EPB41L2: variants seen among roughly 807,000 people sequenced by gnomAD.
EPB41L2 encodes erythrocyte membrane protein band 4.1 like 2, also known as band 4.1-like protein 2.
In EPB41L2, 43 loss-of-function variants were observed where a neutral mutation model predicts 113.0. The observed-to-expected ratio is 0.38, with a 90% CI of 0.30 to 0.49. The LOEUF is 0.49. Ranked by LOEUF, EPB41L2 falls within the 20% of genes least tolerant of loss-of-function variation. EPB41L2 has a pLI of 0.95. For missense variants in EPB41L2, 1,147 were observed against 1,223.4 expected, an observed-to-expected ratio of 0.94 and a Z score of 0.93; for synonymous variants, 442 against 436.7, an observed-to-expected ratio of 1.01 and a Z score of -0.15.
At chr6:130,919,344 C>A (rs1471157204) in intron 4 of EPB41L2, among the ~76,000 whole-genome samples, 1 of 152,152 alleles carries the variant, frequency 6.6e-6, no homozygotes, top group African/African-American at 2.4e-5. Flanking sequence ...TTAGTATTTT[C>A]TTCCTTAATG....
intron 19 of EPB41L2, among the ~76,000 whole-genome samples, chr6:130,845,817 T>C (rs918538632): frequency 6.6e-6 from 1 of 152,290 alleles, no homozygotes; most frequent in Admixed American, 6.5e-5. Flanking sequence ...TAATATTCTG[T>C]GTGATGAAAT....
At chr6:130,857,232 T>C (rs1780519330) in intron 19 of EPB41L2, among the ~76,000 whole-genome samples, 1 of 152,210 alleles carries the variant, frequency 6.6e-6, no homozygotes, top group African/African-American at 2.4e-5. Flanking sequence ...GGTGAAAACT[T>C]GTCCACTGAG....
intron 4 of EPB41L2, among the ~76,000 whole-genome samples, chr6:130,915,547 C>T (rs1309281077): frequency 1.3e-5 from 2 of 152,144 alleles, no homozygotes; most frequent in African/African-American, 2.4e-5. Context: ...TCTTAAAATA[C>T]CATTTATGCT....
Position 130,926,628 on chromosome 6 carries a change from A to G in EPB41L2, c.787T>C (p.Phe263Leu). The G allele has an allele frequency of 6.2e-7, 1 of 1,608,098 alleles. No individual in the cohort carries two copies. The highest frequency in any genetic ancestry group is 8.5e-7 in the Non-Finnish European group (1 of 1,178,322). ...ACTTTCTGCTCAGGGCTTTCCTGAA[A>G]CAAAAGTCCAAAGTAGTCTTTCTCC... ...LLEKDYFGLL[F>L]QESPEQKNWL... The change falls in exon 4 of 20, where the codon TTT becomes CTT. Residue 263 changes from phenylalanine to leucine, a missense_variant. By Grantham distance (22) the Phe-to-Leu change is conservative. Transcript: ENST00000337057.
intron 13 of EPB41L2, 30 bp from the exon 14 acceptor site, chr6:130,878,280 A>G (rs1444909310): frequency 1.0e-5 from 16 of 1,577,266 alleles, no homozygotes; most frequent in African/African-American, 2.8e-5. Context: ...CAAAGGGGGG[A>G]AAAATCCAAA....
Position 130,956,679 on chromosome 6 carries a change from G to A in EPB41L2, c.-14-180C>T, listed in dbSNP as rs41311408. Among the ~76,000 whole-genome samples the A allele has an allele frequency of 8.6e-3, 1,306 of 152,270 alleles. 10 individuals are homozygous for A. Among genetic ancestry groups the A allele is most frequent in the South Asian group, 0.021 (101 of 4,822 alleles). On this transcript the variant is annotated intron_variant, in intron 1 of 19. Transcript: ENST00000337057. ...ATGGAGACTGTTGCTCGAACTTTTA[G>A]AATTCTCTATCAGCATCACAGACCC...
chr6:131,045,600 C>T (rs969968793), intron 1 of EPB41L2, among the ~76,000 whole-genome samples: 5 of 152,052 alleles, frequency 3.3e-5, no homozygotes, highest in Non-Finnish European at 7.4e-5. Flanking sequence ...AAAAGGAGAA[C>T]AAAGAGCCAA....
rs569898733 is a variant in EPB41L2 at position 130,964,876 on chromosome 6, A to G, written c.-14-8377T>C. ...GGTCAAAGCCATATAACCAATAAAGAGAAGTGCCAGAATTCAAACCCAGGC... is the reference window on the plus strand; with the variant it reads ...GGTCAAAGCCATATAACCAATAAAGGGAAGTGCCAGAATTCAAACCCAGGC... On this transcript the variant is annotated intron_variant, in intron 1 of 19. Transcript: ENST00000337057. Among the ~76,000 whole-genome samples, 4 of 152,316 alleles carry G rather than the reference A, an allele frequency of 2.6e-5. No individual in the cohort carries two copies. The South Asian group carries it at 8.3e-4, about 32-fold the overall frequency.
At chr6:130,966,214 C>T (rs1775136266) in intron 1 of EPB41L2, among the ~76,000 whole-genome samples, 3 of 152,128 alleles carry the variant, frequency 2.0e-5, no homozygotes, top group Admixed American at 1.3e-4. Context: ...AGGTGACTCA[C>T]TACAACACTG....
At chr6:130,940,250 C>T (rs552448539) in intron 3 of EPB41L2, among the ~76,000 whole-genome samples, 1 of 152,252 alleles carries the variant, frequency 6.6e-6, no homozygotes, top group South Asian at 2.1e-4. Flanking sequence ...TCAAAAATGG[C>T]AACACTAGCC....
intron 1 of EPB41L2, among the ~76,000 whole-genome samples, chr6:130,975,247 G>C (rs896302092): frequency 1.3e-5 from 2 of 152,014 alleles, no homozygotes; most frequent in Non-Finnish European, 2.9e-5. Context: ...GTCATGTTTC[G>C]ACAATGTCTC....
chr6:130,854,216 T>C (rs1177298391), intron 19 of EPB41L2, among the ~76,000 whole-genome samples: 1 of 152,176 alleles, frequency 6.6e-6, no homozygotes, highest in Non-Finnish European at 1.5e-5. Flanking sequence ...TATTCACACC[T>C]ACCTTCCTGG....
chr6:131,048,338 T>A (rs1263515637), intron 1 of EPB41L2, among the ~76,000 whole-genome samples: 1 of 152,212 alleles, frequency 6.6e-6, no homozygotes, highest in Non-Finnish European at 1.5e-5. Flanking sequence ...TTTTGTTTTA[T>A]GTTCCTTGTT....
At chr6:130,882,292 CCTAA>C (rs1348544106) in intron 12 of EPB41L2, 1 of 152,186 alleles carries the variant, frequency 6.6e-6, no homozygotes. Flanking sequence ...CAATTTCGCT[CCTAA>C]CTTAGAATGT....
intron 1 of EPB41L2, among the ~76,000 whole-genome samples, 184 bp downstream of exon 1, chr6:131,062,971 A>T (rs1261092000): frequency 1.3e-5 from 2 of 151,846 alleles, no homozygotes; most frequent in Admixed American, 6.5e-5. Flanking sequence ...GCCGCAGAAA[A>T]TCCCAAAGCC....
intron 18 of EPB41L2, among the ~76,000 whole-genome samples, chr6:130,860,083 G>A (rs1047036541): frequency 6.6e-6 from 1 of 152,204 alleles, no homozygotes; most frequent in African/African-American, 2.4e-5. Flanking sequence ...GTTCTACATT[G>A]TGTTTGTGTG....
intron 1 of EPB41L2, among the ~76,000 whole-genome samples, chr6:131,059,172 T>C (rs1798190602): frequency 6.7e-6 from 1 of 149,208 alleles, no homozygotes; most frequent in Non-Finnish European, 1.5e-5. Flanking sequence ...TGGCGTGCAG[T>C]GGCGCAATCT....
chr6:130,917,024 T>A (rs1042821930), intron 4 of EPB41L2, among the ~76,000 whole-genome samples: 1 of 152,196 alleles, frequency 6.6e-6, no homozygotes, highest in Admixed American at 6.5e-5. Context: ...CACATTCCCA[T>A]ATCTAAGTGT....
chr6:130,988,874 A>G (rs1781175626), intron 1 of EPB41L2, among the ~76,000 whole-genome samples: 1 of 152,182 alleles, frequency 6.6e-6, no homozygotes, highest in Admixed American at 6.5e-5. Flanking sequence ...GGATCACCTG[A>G]GGTCAGGAGT....
Sources: gnomAD v4.1 joint callset for allele counts (sites outside exome capture counted in the v4.1 genomes callset) on GRCh38, gnomAD v4.1.1 for gene constraint, MANE v1.5 for transcripts, NCBI Gene and HGNC (gene_info 2026-07-23, HGNC 2026-07-21) for gene names.